SNX29: variants seen among roughly 807,000 people sequenced by gnomAD.
The protein encoded by SNX29 is sorting nexin 29.
SNX29 carries 78 observed loss-of-function variants against 102.1 expected under a neutral mutation model. The observed-to-expected ratio is 0.76, with a 90% confidence interval of 0.64 to 0.92. The LOEUF (loss-of-function observed/expected upper bound fraction) is 0.92. SNX29 is among the 40% of genes least tolerant of loss of function. The pLI is 0.00. For missense variants in SNX29, 1,280 were observed against 1,061.7 expected (o/e 1.21, Z -2.86); for synonymous variants, 580 against 414.5 (o/e 1.40, Z -4.85).
chr16:12,312,339 G>A (rs1269345746), intron 15 of SNX29, among the ~76,000 whole-genome samples: 1 of 152,176 alleles, frequency 6.6e-6, no homozygotes, highest in Admixed American at 6.5e-5. Context: ...GCCAGAGCCT[G>A]GGTATAATAG....
rs1170759866 is a variant in SNX29 at position 12,060,734 on chromosome 16, T to A, written c.1125-794T>A. Reference sequence around the variant, plus strand: ...ACCTCCAGGTATTTATTAACATTTCTTGATTGCTCAGAGGCAAGTGCTGCA... The same window carrying A: ...ACCTCCAGGTATTTATTAACATTTCATGATTGCTCAGAGGCAAGTGCTGCA... On this transcript the variant is annotated intron_variant, in intron 8 of 20. Transcript: ENST00000566228. 6.6e-6 allele frequency: 3 copies of A among 455,572 alleles called. No individual in the cohort carries two copies. The East Asian group carries it at 2.1e-4, about 32-fold the overall frequency. 28.2% of individuals were successfully genotyped at this position (455,572 alleles called of 1,614,324 possible).
At chr16:11,996,576 A>G (rs1316052433) in intron 1 of SNX29, among the ~76,000 whole-genome samples, 2 of 152,154 alleles carry the variant, frequency 1.3e-5, no homozygotes, top group East Asian at 3.8e-4. Context: ...TTATGATGAG[A>G]AAAAAATAGC....
intron 19 of SNX29, among the ~76,000 whole-genome samples, chr16:12,522,171 C>G (rs971470752): frequency 6.6e-6 from 1 of 152,180 alleles, no homozygotes; most frequent in Non-Finnish European, 1.5e-5. Context: ...TTCAGATAAA[C>G]CAATAATTTT....
chr16:12,069,165 T>C, intron 10 of SNX29, 33 bp downstream of exon 10: 4 of 1,568,020 alleles, frequency 2.6e-6, no homozygotes, highest in Non-Finnish European at 3.5e-6. Flanking sequence ...GCCTGTGGCA[T>C]TAAAACATCC....
chr16:12,102,100 C>T (rs1403445306), intron 11 of SNX29, among the ~76,000 whole-genome samples: 3 of 152,198 alleles, frequency 2.0e-5, no homozygotes, highest in Non-Finnish European at 4.4e-5. Flanking sequence ...ACGAACTCAT[C>T]CTTTTTTATG....
intron 14 of SNX29, among the ~76,000 whole-genome samples, chr16:12,246,647 C>CA (rs1304576181): frequency 6.6e-5 from 10 of 152,026 alleles, no homozygotes; most frequent in South Asian, 2.1e-4. Flanking sequence ...GAAATAACAA[C>CA]AAAAAAACCC....
chr16:12,562,365 C>G (rs1467801624), intron 20 of SNX29, among the ~76,000 whole-genome samples: 1 of 145,382 alleles, frequency 6.9e-6, no homozygotes, highest in Non-Finnish European at 1.5e-5. Flanking sequence ...TTTTTGCTTG[C>G]ACCATTTTTT....
At chr16:12,083,001 A>C (rs1490954921) in intron 11 of SNX29, among the ~76,000 whole-genome samples, 1 of 152,146 alleles carries the variant, frequency 6.6e-6, no homozygotes, top group Non-Finnish European at 1.5e-5. Flanking sequence ...GGTGGCTTCA[A>C]CAACAAAAAC....
intron 20 of SNX29, among the ~76,000 whole-genome samples, chr16:12,551,304 C>T (rs1196379830): frequency 6.6e-6 from 1 of 152,132 alleles, no homozygotes; most frequent in African/African-American, 2.4e-5. Context: ...GTCAGCCCAC[C>T]AAAAAGCCAC....
intron 20 of SNX29, among the ~76,000 whole-genome samples, chr16:12,534,857 C>G (rs1046800781): frequency 6.6e-5 from 10 of 152,072 alleles, no homozygotes; most frequent in African/African-American, 2.4e-4. Flanking sequence ...TTTGATTGTC[C>G]CAACCATGGG....
Position 12,570,894 on chromosome 16 carries a change from A to G in SNX29, c.*2265A>G, listed in dbSNP as rs2079173750. 4.4e-6 allele frequency: 1 copy of G among 229,880 alleles called. No homozygotes were observed. Among genetic ancestry groups the G allele is most frequent in the East Asian group, 6.2e-5 (1 of 16,156 alleles). The allele number at this position is 229,880 out of a possible 1,614,324, so 14.2% of individuals were successfully genotyped here. A position where few individuals can be genotyped will look rare whatever the true frequency, so the allele number is the denominator to read the frequency against. ...ACTTTTATAATACTGAATTATTCAC[A>G]AAAAACCTGGTCTGCTCTCCAAAAT... On this transcript the variant is annotated 3_prime_UTR_variant, in exon 21 of 21. Transcript: ENST00000566228.
At position 12,277,953 on chromosome 16, in the gene SNX29, G is replaced by T. The variant is rs1376287895; in HGVS notation, c.1699G>T (p.Asp567Tyr). The change falls in exon 15 of 21, where the codon GAT (aspartate) becomes TAT (tyrosine). Residue 567 changes from aspartate to tyrosine, a missense_variant. Physicochemically the swap from Asp to Tyr is radical, Grantham distance 160 (BLOSUM62 -3). Transcript: ENST00000566228. ...TAEVPNLWSV[D>Y]GEVTVAEQKP... The stretch of plus-strand genomic sequence containing the variant: ...TAAAGTGCCAAATCTTTGGAGTGTT[G>T]ATGGAGAAGTTACAGTAGCTGAACA... The T allele has an allele frequency of 6.2e-7, 1 of 1,608,542 alleles. No individual in the cohort carries two copies. Among genetic ancestry groups the T allele is most frequent in the Admixed American group, 1.7e-5 (1 of 59,336 alleles).
intron 20 of SNX29, among the ~76,000 whole-genome samples, chr16:12,559,781 A>C (rs2078610150): frequency 6.6e-6 from 1 of 152,182 alleles, no homozygotes; most frequent in African/African-American, 2.4e-5. Flanking sequence ...AGCATTACAC[A>C]GCACCTTCGT....
At chr16:12,538,950 G>C (rs1481992982) in intron 20 of SNX29, among the ~76,000 whole-genome samples, 3 of 152,198 alleles carry the variant, frequency 2.0e-5, no homozygotes, top group Non-Finnish European at 2.9e-5. Flanking sequence ...GCAGTGCTGT[G>C]AAATGCTAAG....
chr16:12,549,903 T>C (rs149922749), intron 20 of SNX29, among the ~76,000 whole-genome samples: 1 of 152,262 alleles, frequency 6.6e-6, no homozygotes, highest in Non-Finnish European at 1.5e-5. Context: ...CAGAAAATGA[T>C]GGCCCACAGG....
At position 12,389,481 on chromosome 16, in the gene SNX29, A is replaced by G. The variant is rs562645073; in HGVS notation, c.1900-8965A>G. On this transcript the variant is annotated intron_variant, in intron 16 of 20. Transcript: ENST00000566228. Reference sequence around the variant, plus strand: ...ATTCTCCTGCCTGCCACCATGTAAGATGTGACTTGCTCTTCCTTGCCTTCC... The same window carrying G: ...ATTCTCCTGCCTGCCACCATGTAAGGTGTGACTTGCTCTTCCTTGCCTTCC... Among the ~76,000 whole-genome samples, 14 of 152,174 alleles carry G rather than the reference A, an allele frequency of 9.2e-5. No homozygotes were observed. The South Asian group carries it at 2.9e-3, about 32-fold the overall frequency.
At chr16:11,980,251 G>A (rs1483708683) in intron 1 of SNX29, among the ~76,000 whole-genome samples, 1 of 152,036 alleles carries the variant, frequency 6.6e-6, no homozygotes, top group Non-Finnish European at 1.5e-5. Flanking sequence ...TCATATAAAT[G>A]AAATCATACA....
At chr16:12,309,448 C>T (rs1207918069) in intron 15 of SNX29, among the ~76,000 whole-genome samples, 2 of 152,162 alleles carry the variant, frequency 1.3e-5, no homozygotes, top group Non-Finnish European at 2.9e-5. Context: ...CCTGTCCCCT[C>T]CCATCTGTTG....
intron 14 of SNX29, among the ~76,000 whole-genome samples, chr16:12,216,895 C>A (rs1304608840): frequency 6.6e-6 from 1 of 152,208 alleles, no homozygotes; most frequent in Non-Finnish European, 1.5e-5. Context: ...TTTCATGAGG[C>A]CACAGCTAGC....
Sources: gnomAD v4.1 joint callset for allele counts (sites outside exome capture counted in the v4.1 genomes callset) on GRCh38, gnomAD v4.1.1 for gene constraint, MANE v1.5 for transcripts, NCBI Gene and HGNC (gene_info 2026-07-23, HGNC 2026-07-21) for gene names.